MSRA: variants seen among roughly 807,000 people sequenced by gnomAD.
MSRA encodes the protein methionine sulfoxide reductase A.
Under a neutral mutation model 31.3 loss-of-function variants are expected in MSRA, and 54 were observed. The observed-to-expected ratio is 1.73, with a 90% CI of 1.39 to 2.17. The LOEUF is 2.17. Among genes scored for constraint, MSRA ranks in the 30% most tolerant of loss-of-function variants. MSRA has a pLI of 0.00. For missense variants in MSRA, 507 were observed against 300.9 expected (o/e 1.69, Z -5.07); for synonymous variants, 169 against 116.5 (o/e 1.45, Z -2.90).
At chr8:10,169,164 T>G (rs58363482) in intron 1 of MSRA, among the ~76,000 whole-genome samples, 3,918 of 152,288 alleles carry the variant, frequency 0.026, 156 homozygotes, top group African/African-American at 0.09. Context: ...AGGGGCAGAC[T>G]CCTGATCTGT....
rs1290007284 is a variant in MSRA at position 10,401,103 on chromosome 8, A to AC, written c.544-27045_544-27044insC. On this transcript the variant is annotated intron_variant, in intron 5 of 5. Coordinates refer to ENST00000317173, the MANE Select transcript of MSRA (RefSeq NM_012331.5). The stretch of plus-strand genomic sequence containing the variant: ...CACATCAGTGGACACTATCAAGAAT[A>AC]TAAAAAAAAACAACCCACAGAGTCA... 5.0e-4 allele frequency among the ~76,000 whole-genome samples: 12 copies of AC among 23,982 alleles called. No homozygotes were observed. The Non-Finnish European group carries it at 5.5e-3, about 11-fold the overall frequency. The allele number at this position is 23,982 out of a possible 152,430, so 15.7% of individuals were successfully genotyped here. A position where few individuals can be genotyped will look rare whatever the true frequency, so the allele number is the denominator to read the frequency against.
At chr8:10,269,793 A>C (rs557686909) in intron 3 of MSRA, among the ~76,000 whole-genome samples, 1 of 152,270 alleles carries the variant, frequency 6.6e-6, no homozygotes, top group East Asian at 1.9e-4. Context: ...CTGGGACCAC[A>C]TGTGAGTGCC....
intron 2 of MSRA, among the ~76,000 whole-genome samples, chr8:10,230,957 G>A (rs1811422522): frequency 1.3e-5 from 2 of 152,260 alleles, no homozygotes; most frequent in South Asian, 4.2e-4. Flanking sequence ...GCTAATTTTT[G>A]TATTTTTAGT....
chr8:10,076,406 C>G (rs1024554313), intron 1 of MSRA, among the ~76,000 whole-genome samples: 4 of 152,224 alleles, frequency 2.6e-5, no homozygotes, highest in African/African-American at 9.6e-5. Context: ...TCCACCTGAG[C>G]TCCAGCCTTC....
chr8:10,152,442 G>T (rs11993089), intron 1 of MSRA, among the ~76,000 whole-genome samples: 68,742 of 151,388 alleles, frequency 0.45, 16,929 homozygotes, highest in East Asian at 0.96. Context: ...TTTGTGTCCT[G>T]GGCAGGAAGA....
At chr8:10,341,097 C>T (rs1279710339) in intron 5 of MSRA, among the ~76,000 whole-genome samples, 1 of 152,148 alleles carries the variant, frequency 6.6e-6, no homozygotes, top group Non-Finnish European at 1.5e-5. Flanking sequence ...AATTAGGGTC[C>T]TTAGGGGTGG....
intron 5 of MSRA, among the ~76,000 whole-genome samples, chr8:10,350,302 C>T (rs1439259982): frequency 2.0e-5 from 3 of 152,244 alleles, no homozygotes; most frequent in Non-Finnish European, 2.9e-5. Flanking sequence ...ATACTCACAG[C>T]GCTTCACAGC....
intron 1 of MSRA, among the ~76,000 whole-genome samples, chr8:10,116,678 T>C (rs1181711528): frequency 1.3e-5 from 2 of 152,098 alleles, no homozygotes; most frequent in African/African-American, 4.8e-5. Context: ...ATTTTACATA[T>C]GATGGAGTTT....
In MSRA at chr8:10,149,321, C is replaced by G. The variant is rs551173411; in HGVS notation, c.143-58512C>G. Among the ~76,000 whole-genome samples the G allele has an allele frequency of 2.0e-3, 299 of 152,260 alleles. 2 individuals are homozygous for G. The highest frequency in any genetic ancestry group is 6.0e-3 in the African/African-American group (248 of 41,562). On this transcript the variant is annotated intron_variant, in intron 1 of 5. Transcript: ENST00000317173. ...TATTTTTAGTAGAGATGGGGTTTCA[C>G]TGTGTTGACCAGGCTGGTCTCAAAC...
intron 5 of MSRA, among the ~76,000 whole-genome samples, chr8:10,418,945 G>T (rs1364821924): frequency 6.7e-6 from 1 of 150,348 alleles, no homozygotes; most frequent in Non-Finnish European, 1.5e-5. Context: ...GTGACAGAGT[G>T]AGACCCTGTC....
intron 1 of MSRA, among the ~76,000 whole-genome samples, chr8:10,189,942 G>A (rs1344362479): frequency 1.3e-5 from 2 of 152,032 alleles, no homozygotes; most frequent in Non-Finnish European, 2.9e-5. Context: ...TGAAAATCTG[G>A]GAGCATGGAG....
intron 5 of MSRA, among the ~76,000 whole-genome samples, chr8:10,335,984 C>T (rs1391791805): frequency 1.3e-5 from 2 of 152,120 alleles, no homozygotes; most frequent in African/African-American, 4.8e-5. Context: ...ATGCTCTTTC[C>T]ATTCTGTCAC....
At chr8:10,205,769 C>G (rs1310942396) in intron 1 of MSRA, among the ~76,000 whole-genome samples, 1 of 152,204 alleles carries the variant, frequency 6.6e-6, no homozygotes. Flanking sequence ...AGTCTTTTCA[C>G]ATAAATATTC....
intron 5 of MSRA, among the ~76,000 whole-genome samples, chr8:10,364,392 C>T (rs1172757346): frequency 6.6e-6 from 1 of 152,184 alleles, no homozygotes; most frequent in African/African-American, 2.4e-5. Flanking sequence ...TGTTGTGTCT[C>T]GAAATCATCC....
At chr8:10,166,432 G>A (rs533848080) in intron 1 of MSRA, among the ~76,000 whole-genome samples, 2 of 152,232 alleles carry the variant, frequency 1.3e-5, no homozygotes, top group East Asian at 1.9e-4. Flanking sequence ...GTCTGTGCGT[G>A]TGTATGCATT....
At chr8:10,361,325 G>T (rs1231125793) in intron 5 of MSRA, among the ~76,000 whole-genome samples, 1 of 152,170 alleles carries the variant, frequency 6.6e-6, no homozygotes, top group South Asian at 2.1e-4. Context: ...CCACCAAAAG[G>T]CTCTAGGGTC....
intron 1 of MSRA, among the ~76,000 whole-genome samples, chr8:10,077,091 T>C (rs1039112088): frequency 8.8e-5 from 13 of 147,440 alleles, no homozygotes; most frequent in African/African-American, 7.5e-5. Flanking sequence ...TCCAAGTTTA[T>C]GTGGAAAAAG....
At chr8:10,409,372 G>C (rs930545027) in intron 5 of MSRA, among the ~76,000 whole-genome samples, 1 of 152,088 alleles carries the variant, frequency 6.6e-6, no homozygotes, top group Non-Finnish European at 1.5e-5. Flanking sequence ...TTTAAATGAA[G>C]TTCATCTCTC....
At chr8:10,215,713 T>G (rs1809930095) in intron 2 of MSRA, among the ~76,000 whole-genome samples, 1 of 152,222 alleles carries the variant, frequency 6.6e-6, no homozygotes, top group Admixed American at 6.5e-5. Context: ...GGTTGTTTGC[T>G]TCTGTGTCAA....
Sources: allele counts gnomAD v4.1 joint callset (sites outside exome capture counted in the v4.1 genomes callset), GRCh38; gene constraint gnomAD v4.1.1; transcripts MANE v1.5; gene names NCBI Gene and HGNC (gene_info 2026-07-23, HGNC 2026-07-21).